The following CD33 variants were observed in gnomAD, a reference collection of about 807,000 sequenced individuals.
CD33 encodes CD33 molecule.
CD33 carries 25 observed loss-of-function variants against 31.4 expected under a neutral mutation model. The observed-to-expected ratio is 0.80, with a 90% CI of 0.58 to 1.11. The LOEUF (loss-of-function observed/expected upper bound fraction) is 1.11. Among genes scored for constraint, CD33 ranks in the 50% most tolerant of loss-of-function variants. CD33 has a pLI of 0.00. For synonymous variants in CD33, 176 were observed against 180.6 expected (o/e 0.97, Z 0.20); for missense variants, 407 against 448.1 (o/e 0.91, Z 0.83).
chr19:51,218,662 T>TACATCTAA, the CD33 span, among the ~76,000 whole-genome samples: 15 of 152,340 alleles, frequency 9.8e-5, no homozygotes, highest in South Asian at 2.7e-3. Context: ...TTTCAGGTCT[T>TACATCTAA]ACATCTAAGT....
chr19:51,224,987 A>C, upstream of CD33: 3 of 1,116,134 alleles, frequency 2.7e-6, no homozygotes, highest in Non-Finnish European at 4.0e-6. Context: ...TGTGGGTCTG[A>C]GGTTCCTCTT....
At chr19:51,211,841 C>A in the CD33 span, 1 of 1,128,142 alleles carries the variant, frequency 8.9e-7, no homozygotes, top group African/African-American at 1.5e-5. Flanking sequence ...TGGAATCTGG[C>A]CACCCCAGGA....
intron 6 of CD33, chr19:51,236,213 C>A: frequency 3.6e-6 from 1 of 274,320 alleles, no homozygotes; most frequent in South Asian, 4.0e-5. Context: ...CACACCACAC[C>A]ATGCAAGGCC....
In CD33 at chr19:51,226,021, CA is replaced by C. The variant is rs779927045; in HGVS notation, c.638del (p.Gln213ArgfsTer2). 3.1e-6 allele frequency: 5 copies of C among 1,614,118 alleles called. No homozygotes were observed. In the South Asian group the frequency reaches 5.5e-5, roughly 18 times the overall value. On this transcript the variant is annotated frameshift_variant, in exon 3 of 7. Coordinates refer to ENST00000262262, the MANE Select transcript of CD33 (RefSeq NM_001772.4). LOFTEE classifies it high-confidence loss of function. ...PQDHGTNLTCQVKFAGAGVTT... is the reference protein window; with the variant it reads ...PQDHGTNLTCXVKFAGAGVTT... The stretch of plus-strand genomic sequence containing the variant: ...GGACCACGGCACCAACCTGACCTGT[CA>C]GGTGAAGTTCGCTGGAGCTGGTGTG...
the CD33 span, chr19:51,211,677 G>T: frequency 3.0e-5 from 31 of 1,021,708 alleles, 1 homozygote; most frequent in South Asian, 4.9e-4. Context: ...CCTGGAAGGG[G>T]GTTGGGAATG....
At chr19:51,237,649 G>A (rs1461019777) in intron 6 of CD33, 2 of 152,262 alleles carry the variant, frequency 1.3e-5, no homozygotes, top group Non-Finnish European at 2.9e-5. Context: ...TTACGTGTTG[G>A]GGGTGGAGTG....
chr19:51,234,301 A>G (rs1981627748), intron 4 of CD33, among the ~76,000 whole-genome samples: 1 of 152,168 alleles, frequency 6.6e-6, no homozygotes, highest in Non-Finnish European at 1.5e-5. Flanking sequence ...CCTGAAGCCC[A>G]TAGTTTACAT....
At chr19:51,220,052 A>G in the CD33 span, among the ~76,000 whole-genome samples, 1 of 152,166 alleles carries the variant, frequency 6.6e-6, no homozygotes, top group Non-Finnish European at 1.5e-5. Flanking sequence ...AATGAGTCAG[A>G]GAGGATTCCC....
At chr19:51,235,130 T>C in intron 4 of CD33, 27 bp from the exon 5 acceptor site, 1 of 1,583,608 alleles carries the variant, frequency 6.3e-7, no homozygotes, top group Non-Finnish European at 8.7e-7. Flanking sequence ...TAGATTAGAA[T>C]TCACCCCAAA....
In CD33 at chr19:51,235,460, T is replaced by C. The variant is rs768776683; in HGVS notation, c.843-135T>C. 208 of 1,444,592 alleles carry C rather than the reference T, an allele frequency of 1.4e-4. 1 individual carries two copies. The highest frequency in any genetic ancestry group is 1.8e-4 in the Non-Finnish European group (198 of 1,087,344). The allele number at this position is 1,444,592 out of a possible 1,614,324, so 89.5% of individuals were successfully genotyped here. A position where few individuals can be genotyped will look rare whatever the true frequency, so the allele number is the denominator to read the frequency against. On this transcript the variant is annotated intron_variant, in intron 5 of 6. Coordinates refer to ENST00000262262, the MANE Select transcript of CD33 (RefSeq NM_001772.4). ...AAGGAGTGGGAGGTAGAGGGAGACC[T>C]TGTGACTAAGTCTTGTTTGAGGGCT... is the stretch of plus-strand genomic sequence containing the variant.
intron 4 of CD33, 59 bp downstream of exon 4, chr19:51,226,415 G>C (rs892807006): frequency 6.8e-7 from 1 of 1,478,850 alleles, no homozygotes; most frequent in Admixed American, 1.7e-5. Context: ...GTCAGGTTTG[G>C]TCAGATCTGG....
chr19:51,225,009 T>A, upstream of CD33: 1 of 1,354,538 alleles, frequency 7.4e-7, no homozygotes, highest in Non-Finnish European at 1.0e-6. Context: ...CATGCAGGGC[T>A]GAGGTCTCCT....
chr19:51,220,938 A>C (rs183181031), upstream of CD33, among the ~76,000 whole-genome samples: 15 of 152,334 alleles, frequency 9.8e-5, no homozygotes, highest in Admixed American at 2.0e-4. Context: ...ACCTGAATAT[A>C]GGTATCTGAT....
chr19:51,211,242 A>G, the CD33 span: 1 of 1,569,368 alleles, frequency 6.4e-7, no homozygotes, highest in Non-Finnish European at 8.6e-7. Context: ...TCCGGCTGCA[A>G]GTGCAGGAGT....
chr19:51,215,406 C>A, the CD33 span, among the ~76,000 whole-genome samples: 1 of 152,150 alleles, frequency 6.6e-6, no homozygotes, highest in African/African-American at 2.4e-5. Context: ...TTGCAGCGCA[C>A]AGGGAGGTGA....
At chr19:51,222,086 T>G (rs1980711805), upstream of CD33, among the ~76,000 whole-genome samples, 1 of 152,218 alleles carries the variant, frequency 6.6e-6, no homozygotes, top group African/African-American at 2.4e-5. Context: ...ACAGTGGTTG[T>G]GGGTATATAA....
At chr19:51,225,705 C>G (rs1980955646) in intron 2 of CD33, 98 bp from the exon 3 acceptor site, 1 of 1,537,968 alleles carries the variant, frequency 6.5e-7, no homozygotes, top group Non-Finnish European at 8.8e-7. Flanking sequence ...TAAAGCCTGT[C>G]GTGCTTAGCG....
rs867118376 is a variant in CD33 at position 51,239,855 on chromosome 19, C to A, written c.*167C>A. The A allele has an allele frequency of 1.2e-5, 6 of 482,612 alleles. No homozygotes were observed. The highest frequency in any genetic ancestry group is 2.2e-5 in the Non-Finnish European group (6 of 278,816). 29.9% of individuals were successfully genotyped at this position (482,612 alleles called of 1,614,324 possible). A position where few individuals can be genotyped will look rare whatever the true frequency, so the allele number is the denominator to read the frequency against. ...ATCTTAGACTTTGCAAGCAGAGAGTCGTGGAATCAAATCTGTGCTCTTTCA... is the reference window on the plus strand; with the variant it reads ...ATCTTAGACTTTGCAAGCAGAGAGTAGTGGAATCAAATCTGTGCTCTTTCA... On this transcript the variant is annotated 3_prime_UTR_variant, in exon 7 of 7. Transcript: ENST00000262262.
intron 4 of CD33, among the ~76,000 whole-genome samples, chr19:51,231,739 C>A (rs74796228): frequency 0.027 from 4,067 of 149,378 alleles, 72 homozygotes; most frequent in African/African-American, 0.05. Context: ...CATTTCTTTT[C>A]TTTTTCTTCT....
Sources: allele counts gnomAD v4.1 joint callset (sites outside exome capture counted in the v4.1 genomes callset), GRCh38; gene constraint gnomAD v4.1.1; transcripts MANE v1.5; gene names NCBI Gene and HGNC (gene_info 2026-07-23, HGNC 2026-07-21).